The following LAMA2 variants were observed in gnomAD, a reference collection of about 807,000 sequenced individuals.
LAMA2 encodes the protein laminin subunit alpha 2.
Under a neutral mutation model 364.8 loss-of-function variants are expected in LAMA2, and 269 were observed. The observed-to-expected ratio is 0.74, with a 90% confidence interval of 0.67 to 0.82. LAMA2 has a LOEUF of 0.82. Ranked by LOEUF, LAMA2 falls within the 40% of genes least tolerant of loss-of-function variation. The pLI is 0.00. For missense variants in LAMA2, 3,807 were observed against 3,873.2 expected, an observed-to-expected ratio of 0.98 and a Z score of 0.45; for synonymous variants, 1,379 against 1,370.6, an observed-to-expected ratio of 1.01 and a Z score of -0.14.
In LAMA2 at chr6:129,502,774, A is replaced by G; in HGVS notation, c.8357+3A>G. ...GATGACACCAAAGTTAAAAACCGGT[A>G]TGTATCATCCTGAGACACTGGGAAA... On this transcript the variant is annotated splice_donor_region_variant and intron_variant, in intron 59 of 64. Coordinates refer to ENST00000421865, the MANE Select transcript of LAMA2 (RefSeq NM_000426.4). 2 of 1,582,900 alleles carry G rather than the reference A, an allele frequency of 1.3e-6. No individual in the cohort carries two copies. Among genetic ancestry groups the G allele is most frequent in the East Asian group, 2.2e-5 (1 of 44,702 alleles).
intron 31 of LAMA2, among the ~76,000 whole-genome samples, chr6:129,351,569 A>C (rs114300920): frequency 0.013 from 1,967 of 152,268 alleles, 13 homozygotes; most frequent in Non-Finnish European, 0.018. Context: ...TAACCTTCCA[A>C]ATAAATTTGT....
intron 34 of LAMA2, among the ~76,000 whole-genome samples, chr6:129,373,069 G>T (rs1778178316): frequency 1.3e-5 from 2 of 151,996 alleles, no homozygotes; most frequent in South Asian, 4.2e-4. Flanking sequence ...GCCATTATTT[G>T]CTTCCCCTCT....
intron 12 of LAMA2, among the ~76,000 whole-genome samples, chr6:129,230,212 T>G (rs1784595822): frequency 6.6e-6 from 1 of 152,148 alleles, no homozygotes; most frequent in Non-Finnish European, 1.5e-5. Flanking sequence ...ACAGAAGTCA[T>G]GTATTGAAAG....
rs771682107 is a variant in LAMA2, at chr6:129,403,828, G to C, written c.5734G>C (p.Asp1912His). The change falls in exon 40 of 65, where the codon GAT (aspartate) becomes CAT (histidine). Residue 1912 changes from aspartate to histidine, a missense_variant. Physicochemically the swap from Asp to His is moderately conservative, Grantham distance 81. Coordinates refer to ENST00000421865, the MANE Select transcript of LAMA2 (RefSeq NM_000426.4). ...TTTGAATCATCCCACCAGAATCCTT[G>C]ATGAGGCTAAAAACATCTCCTTCAA... ...DSSAVLDGIL[D>H]EAKNISFNAT... is the part of the protein sequence containing the mutation. 5.6e-6 allele frequency: 9 copies of C among 1,613,248 alleles called. No homozygotes were observed. In the South Asian group the frequency reaches 7.7e-5, roughly 14 times the overall value.
At chr6:129,489,523 G>A (rs1784757174) in intron 56 of LAMA2, among the ~76,000 whole-genome samples, 1 of 152,122 alleles carries the variant, frequency 6.6e-6, no homozygotes, top group South Asian at 2.1e-4. Flanking sequence ...AACCCTAAGA[G>A]CCTGAAGTAG....
intron 18 of LAMA2, among the ~76,000 whole-genome samples, chr6:129,283,629 T>A (rs1041455979): frequency 6.6e-6 from 1 of 151,472 alleles, no homozygotes; most frequent in Non-Finnish European, 1.5e-5. Flanking sequence ...AATTGCTTAA[T>A]ATTTTGAAAA....
At chr6:129,306,466 T>C (rs1773884281) in intron 22 of LAMA2, among the ~76,000 whole-genome samples, 1 of 151,608 alleles carries the variant, frequency 6.6e-6, no homozygotes, top group Non-Finnish European at 1.5e-5. Flanking sequence ...TTTCATGGGA[T>C]TAGTTAGATC....
At chr6:129,438,177 T>C (rs1308162482) in intron 41 of LAMA2, among the ~76,000 whole-genome samples, 1 of 151,750 alleles carries the variant, frequency 6.6e-6, no homozygotes, top group Non-Finnish European at 1.5e-5. Context: ...TTTGTCCAAA[T>C]AAATATTAAC....
intron 41 of LAMA2, among the ~76,000 whole-genome samples, chr6:129,428,105 T>C (rs1781413212): frequency 6.6e-6 from 1 of 152,192 alleles, no homozygotes; most frequent in African/African-American, 2.4e-5. Context: ...ATCTAATGTA[T>C]AGTAACTTTT....
At chr6:129,319,211 T>C (rs1774800816) in intron 27 of LAMA2, among the ~76,000 whole-genome samples, 1 of 152,134 alleles carries the variant, frequency 6.6e-6, no homozygotes, top group Non-Finnish European at 1.5e-5. Flanking sequence ...ATTCAGAGCA[T>C]TGGGAAGAAG....
chr6:129,385,745 C>T (rs1212892275), intron 35 of LAMA2, among the ~76,000 whole-genome samples: 2 of 152,008 alleles, frequency 1.3e-5, no homozygotes, highest in Admixed American at 1.3e-4. Context: ...ATAGGTAAAC[C>T]CATTAGTGTT....
intron 5 of LAMA2, among the ~76,000 whole-genome samples, chr6:129,145,545 A>G (rs1296149298): frequency 6.6e-6 from 1 of 151,984 alleles, no homozygotes; most frequent in East Asian, 1.9e-4. Flanking sequence ...AGTGAAATTT[A>G]ATCTTTCTTG....
intron 32 of LAMA2, among the ~76,000 whole-genome samples, chr6:129,354,628 A>T (rs1357226740): frequency 6.6e-6 from 1 of 152,192 alleles, no homozygotes; most frequent in Non-Finnish European, 1.5e-5. Context: ...TTGAATTATT[A>T]ATCATCACTT....
intron 3 of LAMA2, among the ~76,000 whole-genome samples, chr6:129,082,489 C>T (rs1265362361): frequency 2.0e-5 from 3 of 152,084 alleles, no homozygotes; most frequent in Non-Finnish European, 2.9e-5. Flanking sequence ...GGTTTCCAAA[C>T]GTTTCAACAA....
At chr6:129,181,652 T>C (rs189535789) in intron 10 of LAMA2, among the ~76,000 whole-genome samples, 3 of 151,896 alleles carry the variant, frequency 2.0e-5, no homozygotes, top group Non-Finnish European at 2.9e-5. Context: ...CTGAAAAAAT[T>C]ACCTATAAAT....
Position 129,353,317 on chromosome 6 carries a change from C to G in LAMA2, c.4677C>G (p.Gly1559=). 6.2e-7 allele frequency: 1 copy of G among 1,614,116 alleles called. No individual in the cohort carries two copies. The highest frequency in any genetic ancestry group is 1.1e-5 in the South Asian group (1 of 91,078). Residue 1559 remains glycine (G), a synonymous_variant, in exon 32 of 65, where the codon GGC becomes GGG. Coordinates refer to ENST00000421865, the MANE Select transcript of LAMA2 (RefSeq NM_000426.4). ...GAGCCACGGGAAGGAAGTGTGACGG[C>G]TGCAAGCACTGGCATGCACGCGAGG... is the stretch of plus-strand genomic sequence containing the variant. ...RPGATGRKCD[G]CKHWHAREGW...
chr6:129,496,081 G>T (rs985629068), intron 58 of LAMA2, among the ~76,000 whole-genome samples: 2 of 152,142 alleles, frequency 1.3e-5, no homozygotes, highest in African/African-American at 4.8e-5. Context: ...CATGGCCCAG[G>T]GGGTTACACA....
chr6:128,937,372 C>A (rs1779890397), intron 1 of LAMA2, among the ~76,000 whole-genome samples: 1 of 151,904 alleles, frequency 6.6e-6, no homozygotes, highest in South Asian at 2.1e-4. Context: ...TAATAGTTAC[C>A]TCATATAATG....
chr6:128,938,683 A>G (rs1283257874), intron 1 of LAMA2, among the ~76,000 whole-genome samples: 1 of 152,088 alleles, frequency 6.6e-6, no homozygotes, highest in Non-Finnish European at 1.5e-5. Context: ...TCTCTTACTT[A>G]TGTTTTGTTA....
Sources: allele counts gnomAD v4.1 joint callset (sites outside exome capture counted in the v4.1 genomes callset), GRCh38; gene constraint gnomAD v4.1.1; transcripts MANE v1.5; gene names NCBI Gene and HGNC (gene_info 2026-07-23, HGNC 2026-07-21).